Variants in WDFY4 observed in about 807,000 individuals in gnomAD.
WDFY4 encodes WDFY family member 4.
Under a neutral mutation model 351.9 loss-of-function variants are expected in WDFY4, and 169 were observed. That is an observed-to-expected ratio of 0.48 (90% CI 0.42 to 0.55). The LOEUF (loss-of-function observed/expected upper bound fraction) is 0.55. Ranked by LOEUF, WDFY4 falls within the 20% of genes least tolerant of loss-of-function variation. The pLI is 0.00. For missense variants in WDFY4, 3,803 were observed against 3,935.6 expected (o/e 0.97, Z 0.90); for synonymous variants, 1,622 against 1,574.6 (o/e 1.03, Z -0.71).
At chr10:48,901,949 C>G (rs1448642923) in intron 47 of WDFY4, 86 bp downstream of exon 47, 13 of 1,254,912 alleles carry the variant, frequency 1.0e-5, no homozygotes, top group Non-Finnish European at 1.5e-5. Flanking sequence ...CTAAAGAAGT[C>G]TTGCAGAGAG....
chr10:48,802,886 G>T, intron 24 of WDFY4: 1 of 481,582 alleles, frequency 2.1e-6, no homozygotes, highest in Admixed American at 2.3e-5. Context: ...CACTCAGCTG[G>T]TCTGTCTCAG....
At chr10:48,856,016 C>T (rs1411831784) in intron 39 of WDFY4, among the ~76,000 whole-genome samples, 1 of 151,994 alleles carries the variant, frequency 6.6e-6, no homozygotes, top group Non-Finnish European at 1.5e-5. Context: ...TGGAACGTGT[C>T]CCCTGAAGGT....
At position 48,731,552 on chromosome 10, in the gene WDFY4, G is replaced by A; in HGVS notation, c.1572G>A (p.Met524Ile). Residue 524 changes from methionine (M) to isoleucine (I), a missense_variant, in exon 9 of 62, where the codon ATG (methionine) becomes ATA (isoleucine). Physicochemically the swap from Met to Ile is conservative, Grantham distance 10. This residue lies in a region of WDFY4 where 261 missense variants were observed against 330.2 expected (regional missense o/e 0.79). Transcript: ENST00000325239. ...AGCTTCGGAAGCAAGCCAAGATCAT[G>A]AGGAAGTCAGGTGCCACTGGGTGCA... ...LAQLRKQAKI[M>I]RKSGNKVSTP... is the part of the protein sequence containing the mutation. 1.3e-6 allele frequency: 2 copies of A among 1,550,468 alleles called. No individual in the cohort carries two copies. The highest frequency in any genetic ancestry group is 1.7e-6 in the Non-Finnish European group (2 of 1,146,718).
At chr10:48,761,763 C>A (rs2065513879) in intron 13 of WDFY4, among the ~76,000 whole-genome samples, 1 of 152,200 alleles carries the variant, frequency 6.6e-6, no homozygotes, top group Non-Finnish European at 1.5e-5. Context: ...CTGGGAAATG[C>A]ACCAGTTTAG....
chr10:48,893,508 C>T lies in WDFY4; in HGVS notation c.7316+2781C>T, dbSNP rs527377485. Among the ~76,000 whole-genome samples the T allele has an allele frequency of 2.0e-5, 3 of 152,326 alleles. No homozygotes were observed. The South Asian group carries it at 6.2e-4, about 32-fold the overall frequency. ...ATAGAGTATTTTAAATCAGATAATT[C>T]TTCCCCATCAGTGAGCAGTTTTAAT... is the stretch of plus-strand genomic sequence containing the variant. On this transcript the variant is annotated intron_variant, in intron 44 of 61. Transcript: ENST00000325239.
chr10:48,704,065 C>T (rs979463627), intron 1 of WDFY4, among the ~76,000 whole-genome samples: 2 of 152,122 alleles, frequency 1.3e-5, no homozygotes. Context: ...ATCACATACA[C>T]ACAACCCACA....
chr10:48,775,684 A>C, intron 14 of WDFY4, 28 bp from the exon 15 acceptor site: 1 of 1,544,068 alleles, frequency 6.5e-7, no homozygotes, highest in Non-Finnish European at 8.8e-7. Context: ...AAATGTCTTC[A>C]TTTTTTCCTC....
intron 10 of WDFY4, among the ~76,000 whole-genome samples, chr10:48,734,243 G>T (rs1260263384): frequency 3.3e-5 from 5 of 152,238 alleles, no homozygotes; most frequent in African/African-American, 9.6e-5. Flanking sequence ...CACTTCTAAG[G>T]TTGCTAAATA....
chr10:48,800,604 G>C, intron 24 of WDFY4, among the ~76,000 whole-genome samples: 1 of 152,076 alleles, frequency 6.6e-6, no homozygotes, highest in Non-Finnish European at 1.5e-5. Flanking sequence ...TGTAAGGCAG[G>C]GTTGGACAGA....
chr10:48,762,053 C>A (rs974698227), intron 13 of WDFY4, among the ~76,000 whole-genome samples: 13 of 152,166 alleles, frequency 8.5e-5, no homozygotes, highest in African/African-American at 2.9e-4. Flanking sequence ...AATAGAGGGA[C>A]CTGGCACTCC....
chr10:48,737,556 G>A (rs2064712714), intron 11 of WDFY4, among the ~76,000 whole-genome samples: 2 of 152,218 alleles, frequency 1.3e-5, no homozygotes, highest in African/African-American at 4.8e-5. Flanking sequence ...TAAACCAGCA[G>A]TGATTGGTGT....
chr10:48,780,512 A>G (rs1206628047), intron 19 of WDFY4, among the ~76,000 whole-genome samples: 1 of 152,234 alleles, frequency 6.6e-6, no homozygotes, highest in African/African-American at 2.4e-5. Flanking sequence ...GGTGAGGCCA[A>G]CGCAGCTCAT....
chr10:48,859,700 C>T (rs1225032985), intron 39 of WDFY4, among the ~76,000 whole-genome samples: 1 of 152,086 alleles, frequency 6.6e-6, no homozygotes, highest in Non-Finnish European at 1.5e-5. Flanking sequence ...TGTTATCAGG[C>T]TATTGTTAGC....
At chr10:48,847,950 G>A (rs546067003) in intron 39 of WDFY4, among the ~76,000 whole-genome samples, 111 of 151,822 alleles carry the variant, frequency 7.3e-4, no homozygotes, top group Admixed American at 2.0e-3. Flanking sequence ...CGCTCGGAGC[G>A]CCAGTTGTTT....
At chr10:48,798,206 G>T (rs769615086) in intron 24 of WDFY4, among the ~76,000 whole-genome samples, 6 of 152,090 alleles carry the variant, frequency 3.9e-5, no homozygotes, top group African/African-American at 1.4e-4. Flanking sequence ...TCAAGATTCG[G>T]TTCAACGTCT....
intron 12 of WDFY4, among the ~76,000 whole-genome samples, chr10:48,747,056 T>A (rs2065036724): frequency 6.6e-6 from 1 of 152,204 alleles, no homozygotes; most frequent in African/African-American, 2.4e-5. Context: ...GTAGTGTGGG[T>A]CTATTTGTGG....
chr10:48,752,516 C>T (rs2065214427), intron 12 of WDFY4, among the ~76,000 whole-genome samples: 1 of 152,224 alleles, frequency 6.6e-6, no homozygotes, highest in African/African-American at 2.4e-5. Context: ...TTTATCACCC[C>T]AAAAGGAAAA....
At chr10:48,775,043 A>G (rs966400349) in intron 14 of WDFY4, among the ~76,000 whole-genome samples, 3 of 152,194 alleles carry the variant, frequency 2.0e-5, no homozygotes, top group Non-Finnish European at 4.4e-5. Flanking sequence ...GTTGGGCAGT[A>G]AGCATGTAGG....
chr10:48,959,689 AC>A (rs1283043660), intron 52 of WDFY4, 32 bp from the exon 53 acceptor site: 1 of 1,545,780 alleles, frequency 6.5e-7, no homozygotes, highest in Admixed American at 2.0e-5. Flanking sequence ...GATTTGAGTT[AC>A]CCAAATCTCT....
Sources: allele counts gnomAD v4.1 joint callset (sites outside exome capture counted in the v4.1 genomes callset), GRCh38; gene constraint gnomAD v4.1.1; regional missense constraint gnomAD v4.1.1; transcripts MANE v1.5; gene names NCBI Gene and HGNC (gene_info 2026-07-23, HGNC 2026-07-21).